NAV2: variants seen among roughly 807,000 people sequenced by gnomAD.
NAV2 encodes neuron navigator 2.
NAV2 carries 54 observed loss-of-function variants against 223.2 expected under a neutral mutation model. That is an observed-to-expected ratio of 0.24 (90% CI 0.19 to 0.30). NAV2 has a LOEUF of 0.30. Ranked by LOEUF, NAV2 falls within the 10% of genes least tolerant of loss-of-function variation. The probability of loss-of-function intolerance (pLI) is 1.00; values close to 1 mark genes in which losing one functional copy is unlikely to be tolerated. For synonymous variants in NAV2, 1,279 were observed against 1,239.3 expected (o/e 1.03, Z -0.67); for missense variants, 2,806 against 3,147.5 (o/e 0.89, Z 2.60).
chr11:19,710,283 C>T (rs972203876), upstream of NAV2, among the ~76,000 whole-genome samples: 1 of 152,172 alleles, frequency 6.6e-6, no homozygotes, highest in Non-Finnish European at 1.5e-5. Context: ...CTACTCAAAG[C>T]GTGATCTTTA....
At chr11:19,728,374 A>G (rs886491392) in intron 1 of NAV2, among the ~76,000 whole-genome samples, 3 of 152,218 alleles carry the variant, frequency 2.0e-5, no homozygotes, top group Non-Finnish European at 4.4e-5. Flanking sequence ...CCATAGATTC[A>G]GGCCTGGAGT....
intron 11 of NAV2, among the ~76,000 whole-genome samples, chr11:20,004,180 A>T (rs1253985447): frequency 6.6e-6 from 1 of 152,178 alleles, no homozygotes; most frequent in Non-Finnish European, 1.5e-5. Flanking sequence ...CACTGGTCCT[A>T]CATTTCCCTC....
At chr11:19,417,987 G>A (rs879933333) in intron 1 of NAV2, among the ~76,000 whole-genome samples, 1 of 152,114 alleles carries the variant, frequency 6.6e-6, no homozygotes, top group Non-Finnish European at 1.5e-5. Flanking sequence ...GCGTCTAGGG[G>A]AGGGATAGCA....
chr11:19,798,769 G>T (rs1040909477), intron 1 of NAV2, among the ~76,000 whole-genome samples: 1 of 152,164 alleles, frequency 6.6e-6, no homozygotes, highest in Admixed American at 6.5e-5. Flanking sequence ...TATGTAACTT[G>T]CCTGGTGTTA....
chr11:19,418,190 A>G (rs1409739718), intron 1 of NAV2, among the ~76,000 whole-genome samples: 1 of 152,214 alleles, frequency 6.6e-6, no homozygotes, highest in Non-Finnish European at 1.5e-5. Context: ...ACAAGCAAAC[A>G]GTCTATCACT....
chr11:19,682,466 G>A (rs1565164102), intron 1 of NAV2, among the ~76,000 whole-genome samples: 1 of 152,204 alleles, frequency 6.6e-6, no homozygotes, highest in Non-Finnish European at 1.5e-5. Context: ...TATATACATA[G>A]CCCCATTAAC....
Position 19,475,690 on chromosome 11 carries a change from G to T in NAV2, c.75+124663G>T, listed in dbSNP as rs566860123. Among the ~76,000 whole-genome samples, 7 of 152,336 alleles carry T rather than the reference G, an allele frequency of 4.6e-5. No homozygotes were observed. In the East Asian group the frequency reaches 1.4e-3, roughly 29 times the overall value. ...TGGTTCTGCCTACCACTGCCAGAGAGTGCCTAGTGCTTGGCCATCCATGGA... is the reference window on the plus strand; with the variant it reads ...TGGTTCTGCCTACCACTGCCAGAGATTGCCTAGTGCTTGGCCATCCATGGA... On this transcript the variant is annotated intron_variant, in intron 1 of 37. Coordinates refer to the NAV2 transcript ENST00000360655.
chr11:19,366,648 A>G (rs139303340), intron 1 of NAV2, among the ~76,000 whole-genome samples: 65 of 152,328 alleles, frequency 4.3e-4, no homozygotes, highest in Middle Eastern at 3.4e-3. Context: ...TCCAACTCTT[A>G]CAGTGGAACC....
At chr11:19,908,866 G>T (rs1313912253) in intron 6 of NAV2, among the ~76,000 whole-genome samples, 1 of 152,158 alleles carries the variant, frequency 6.6e-6, no homozygotes, top group Non-Finnish European at 1.5e-5. Flanking sequence ...CTGTGGGGTG[G>T]GAGTAGAGGA....
At chr11:19,860,962 G>A (rs1407861636) in intron 3 of NAV2, among the ~76,000 whole-genome samples, 2 of 151,054 alleles carry the variant, frequency 1.3e-5, no homozygotes, top group African/African-American at 4.9e-5. Context: ...GGAGGTTGCA[G>A]TGAGCCGAGA....
At chr11:19,711,270 C>T (rs1198667015), upstream of NAV2, 1 of 152,156 alleles carries the variant, frequency 6.6e-6, no homozygotes, top group Non-Finnish European at 1.5e-5. Flanking sequence ...GCCACTATAA[C>T]AAAAATACCA....
At chr11:19,979,841 G>T (rs184869270) in intron 10 of NAV2, among the ~76,000 whole-genome samples, 1 of 152,280 alleles carries the variant, frequency 6.6e-6, no homozygotes. Flanking sequence ...AAGAAATTGC[G>T]CTGAAATGCG....
chr11:19,599,069 A>G (rs950928472), intron 1 of NAV2, among the ~76,000 whole-genome samples: 1 of 152,222 alleles, frequency 6.6e-6, no homozygotes, highest in South Asian at 2.1e-4. Flanking sequence ...ACTGTGGCCC[A>G]GGCCACCCAC....
intron 1 of NAV2, among the ~76,000 whole-genome samples, chr11:19,447,625 T>G (rs1851633844): frequency 6.6e-6 from 1 of 152,202 alleles, no homozygotes; most frequent in Admixed American, 6.5e-5. Context: ...CTTACAACAC[T>G]ATGACATAGG....
intron 1 of NAV2, among the ~76,000 whole-genome samples, chr11:19,831,825 T>C (rs1565393627): frequency 6.6e-6 from 1 of 152,334 alleles, no homozygotes; most frequent in East Asian, 1.9e-4. Context: ...CAGTGTTGTG[T>C]TTAAATATGT....
intron 1 of NAV2, among the ~76,000 whole-genome samples, chr11:19,656,708 C>G (rs1267695837): frequency 6.6e-6 from 1 of 152,158 alleles, no homozygotes; most frequent in Non-Finnish European, 1.5e-5. Context: ...CCAGCCCAGA[C>G]CCACTGACTT....
intron 1 of NAV2, among the ~76,000 whole-genome samples, chr11:19,533,809 C>T (rs1421476830): frequency 6.9e-6 from 1 of 144,412 alleles, no homozygotes; most frequent in African/African-American, 2.9e-5. Flanking sequence ...CGGGTTCACG[C>T]CATTCTCCTG....
At chr11:20,067,182 C>T (rs190558819) in intron 20 of NAV2, among the ~76,000 whole-genome samples, 5 of 152,200 alleles carry the variant, frequency 3.3e-5, no homozygotes, top group Admixed American at 6.5e-5. Context: ...TGGGACAGCA[C>T]GAAGATGAAG....
intron 1 of NAV2, among the ~76,000 whole-genome samples, chr11:19,736,245 G>A (rs1437178031): frequency 6.6e-6 from 1 of 152,206 alleles, no homozygotes; most frequent in Non-Finnish European, 1.5e-5. Context: ...TAGTATGTGA[G>A]GCTGAGATTA....
Sources: gnomAD v4.1 joint callset for allele counts (sites outside exome capture counted in the v4.1 genomes callset) on GRCh38, gnomAD v4.1.1 for gene constraint, MANE v1.5 for transcripts, NCBI Gene and HGNC (gene_info 2026-07-23, HGNC 2026-07-21) for gene names.